Variants in NUP93 observed in about 807,000 individuals in gnomAD.
NUP93 encodes nucleoporin 93.
NUP93 carries 55 observed loss-of-function variants against 107.8 expected under a neutral mutation model. The ratio of observed to expected loss-of-function variants is 0.51; its 90% CI spans 0.41 to 0.64. NUP93 has a LOEUF of 0.64. Among genes scored for constraint, NUP93 ranks in the 30% least tolerant of loss-of-function variants. The probability of loss-of-function intolerance (pLI) is 0.00; values close to 1 mark genes in which losing one functional copy is unlikely to be tolerated. For synonymous variants in NUP93, 390 were observed against 397.5 expected (o/e 0.98, Z 0.22); for missense variants, 937 against 1,044.7 (o/e 0.90, Z 1.42).
intron 4 of NUP93, 84 bp downstream of exon 4, chr16:56,798,622 C>A: frequency 9.2e-7 from 1 of 1,091,736 alleles, no homozygotes; most frequent in Non-Finnish European, 1.4e-6. Context: ...AATCCTAACA[C>A]TTTGGGAGGC....
chr16:56,805,467 T>G, intron 4 of NUP93, 37 bp from the exon 5 acceptor site: 1 of 1,606,850 alleles, frequency 6.2e-7, no homozygotes. Context: ...TTTTGTTTTT[T>G]TCCTGAGGGT....
chr16:56,736,416 C>T lies in NUP93; in HGVS notation c.-15+6205C>T, dbSNP rs548177879. On this transcript the variant is annotated intron_variant, in intron 1 of 21. Coordinates refer to ENST00000308159, the MANE Select transcript of NUP93 (RefSeq NM_014669.5). ...CATGTTATCTGAGTCTGTAGTATTT[C>T]GTTTCCTGAGTTTTAGTTAGAGAGT... Among the ~76,000 whole-genome samples, 11 of 152,280 alleles carry T rather than the reference C, an allele frequency of 7.2e-5. No homozygotes were observed. In the South Asian group the frequency reaches 2.1e-3, roughly 29 times the overall value.
chr16:56,828,364 G>T (rs949666148), intron 8 of NUP93, among the ~76,000 whole-genome samples: 52 of 152,138 alleles, frequency 3.4e-4, no homozygotes, highest in African/African-American at 1.2e-3. Flanking sequence ...TTATATTTTT[G>T]ATAATAATAA....
chr16:56,823,865 A>G lies in NUP93; in HGVS notation c.794+19A>G. 6.2e-7 allele frequency: 1 copy of G among 1,609,662 alleles called. No individual in the cohort carries two copies. The highest frequency in any genetic ancestry group is 8.5e-7 in the Non-Finnish European group (1 of 1,177,496). The stretch of plus-strand genomic sequence containing the variant: ...AGCAGAGGTAAGGCAGCAGTAGCAC[A>G]GTGGGGCTGGCTTTCACATCCTTTG... On this transcript the variant is annotated intron_variant, in intron 8 of 21. Transcript: ENST00000308159.
chr16:56,740,019 C>A (rs1202099983), intron 1 of NUP93, among the ~76,000 whole-genome samples: 3,037 of 33,674 alleles, frequency 0.09, 2 homozygotes, highest in Admixed American at 0.17. Flanking sequence ...CCAGTAGGGG[C>A]GGCGGGGCAG....
chr16:56,834,100 G>T, intron 13 of NUP93, 28 bp from the exon 14 acceptor site: 1 of 1,613,498 alleles, frequency 6.2e-7, no homozygotes, highest in Non-Finnish European at 8.5e-7. Flanking sequence ...CAGTGTGGTT[G>T]TGACCCATTC....
intron 3 of NUP93, among the ~76,000 whole-genome samples, chr16:56,777,474 T>G (rs1463401563): frequency 6.6e-6 from 1 of 152,210 alleles, no homozygotes; most frequent in Non-Finnish European, 1.5e-5. Context: ...TAATTTGTTT[T>G]AGTGCTAAAT....
In NUP93 at chr16:56,742,251, A is replaced by G. The variant is rs551302652; in HGVS notation, c.-14-5983A>G. Among the ~76,000 whole-genome samples the G allele has an allele frequency of 2.0e-5, 3 of 152,344 alleles. No individual in the cohort carries two copies. The South Asian group carries it at 6.2e-4, about 32-fold the overall frequency. ...ACACACCTATTGTGTCACTCATTTT[A>G]TCTTTTTAACAGTGTTTTCACACGG... is the stretch of plus-strand genomic sequence containing the variant. On this transcript the variant is annotated intron_variant, in intron 1 of 21. Coordinates refer to ENST00000308159, the MANE Select transcript of NUP93 (RefSeq NM_014669.5).
intron 7 of NUP93, 65 bp from the exon 8 acceptor site, chr16:56,823,642 C>G: frequency 6.3e-7 from 1 of 1,580,934 alleles, no homozygotes; most frequent in African/African-American, 1.3e-5. Context: ...GTCAGAGTGC[C>G]ACAAAGAACT....
At chr16:56,783,898 C>G (rs1382072927) in intron 3 of NUP93, 2 of 985,000 alleles carry the variant, frequency 2.0e-6, no homozygotes, top group African/African-American at 1.7e-5. Context: ...ACTCATATAG[C>G]AGGGAGAGGT....
rs150026965 is a variant in NUP93, at chr16:56,835,854, C to T, written c.1783-747C>T. On this transcript the variant is annotated intron_variant, in intron 16 of 21. Coordinates refer to ENST00000308159, the MANE Select transcript of NUP93 (RefSeq NM_014669.5). ...AAGAAATGTCCTGTTACCAGCCGGG[C>T]GCGGTGGCTCACGCCTGTAATCCCA... Among the ~76,000 whole-genome samples the T allele has an allele frequency of 4.3e-3, 655 of 152,082 alleles. 6 individuals carry two copies. The highest frequency in any genetic ancestry group is 0.015 in the African/African-American group (604 of 41,486).
At chr16:56,757,173 T>C (rs1464973294) in intron 2 of NUP93, among the ~76,000 whole-genome samples, 1 of 152,216 alleles carries the variant, frequency 6.6e-6, no homozygotes, top group Non-Finnish European at 1.5e-5. Context: ...GTAAGTCTGT[T>C]AGTTCAGGAT....
intron 4 of NUP93, 92 bp downstream of exon 4, chr16:56,798,630 G>A: frequency 9.9e-7 from 1 of 1,006,904 alleles, no homozygotes; most frequent in East Asian, 2.5e-5. Flanking sequence ...CACTTTGGGA[G>A]GCTGATGCAG....
At chr16:56,762,818 G>C (rs1325856836) in intron 3 of NUP93, among the ~76,000 whole-genome samples, 1 of 152,006 alleles carries the variant, frequency 6.6e-6, no homozygotes, top group African/African-American at 2.4e-5. Flanking sequence ...GCTTCTGATT[G>C]GCTCCTGACA....
chr16:56,834,934 A>G (rs1963880625), intron 16 of NUP93, among the ~76,000 whole-genome samples, 156 bp downstream of exon 16: 1 of 152,262 alleles, frequency 6.6e-6, no homozygotes, highest in Non-Finnish European at 1.5e-5. Context: ...ATGGGCCCAA[A>G]TGATGACCTT....
chr16:56,788,183 C>T (rs1388156594), intron 3 of NUP93, among the ~76,000 whole-genome samples: 2 of 152,178 alleles, frequency 1.3e-5, no homozygotes, highest in African/African-American at 2.4e-5. Context: ...CCCCACTGGA[C>T]TTCTGTTGGT....
intron 1 of NUP93, among the ~76,000 whole-genome samples, chr16:56,740,106 G>A (rs1187876801): frequency 8.0e-5 from 11 of 137,360 alleles, no homozygotes; most frequent in Admixed American, 2.9e-4. Context: ...CGGACGGGGC[G>A]GCTGGCCAGG....
At chr16:56,801,830 A>C (rs1963026868) in intron 4 of NUP93, among the ~76,000 whole-genome samples, 1 of 152,164 alleles carries the variant, frequency 6.6e-6, no homozygotes, top group Non-Finnish European at 1.5e-5. Context: ...AGTACTTTCA[A>C]AGTGCTAAGC....
In NUP93 at chr16:56,812,118, C is replaced by T. The variant is rs190835426; in HGVS notation, c.489+6486C>T. On this transcript the variant is annotated intron_variant, in intron 5 of 21. Coordinates refer to ENST00000308159, the MANE Select transcript of NUP93 (RefSeq NM_014669.5). ...AATACAGAGTCAGTTAAGAAGACAGCTTCACATAATTTTGAGCTGACCTTA... is the reference window on the plus strand; with the variant it reads ...AATACAGAGTCAGTTAAGAAGACAGTTTCACATAATTTTGAGCTGACCTTA... Among the ~76,000 whole-genome samples, 428 of 152,234 alleles carry T rather than the reference C, an allele frequency of 2.8e-3. 1 individual carries two copies. The highest frequency in any genetic ancestry group is 4.4e-3 in the Non-Finnish European group (298 of 68,004).
Sources: gnomAD v4.1 joint callset for allele counts (sites outside exome capture counted in the v4.1 genomes callset) on GRCh38, gnomAD v4.1.1 for gene constraint, MANE v1.5 for transcripts, NCBI Gene and HGNC (gene_info 2026-07-23, HGNC 2026-07-21) for gene names.